KIAA0586: variants seen among roughly 807,000 people sequenced by gnomAD.
KIAA0586 encodes the protein KIAA0586.
A neutral mutation model predicts 169.8 loss-of-function variants in KIAA0586; 144 were observed. The observed-to-expected ratio is 0.85, with a 90% CI of 0.74 to 0.97. The LOEUF (loss-of-function observed/expected upper bound fraction) is 0.97, where lower values mean the gene tolerates loss of function less well. Ranked by LOEUF, KIAA0586 falls within the 50% of genes least tolerant of loss-of-function variation. The pLI is 0.00. For missense variants in KIAA0586, 1,854 were observed against 1,823.0 expected (o/e 1.02, Z -0.31); for synonymous variants, 625 against 612.4 (o/e 1.02, Z -0.30).
At chr14:58,538,768 A>G (rs918159791) in intron 29 of KIAA0586, among the ~76,000 whole-genome samples, 2 of 150,004 alleles carry the variant, frequency 1.3e-5, no homozygotes, top group Non-Finnish European at 3.0e-5. Flanking sequence ...TCTACTGCCT[A>G]TCTCCATGAG....
At chr14:58,495,424 C>T (rs1368034660) in intron 26 of KIAA0586, among the ~76,000 whole-genome samples, 1 of 151,908 alleles carries the variant, frequency 6.6e-6, no homozygotes, top group Non-Finnish European at 1.5e-5. Context: ...ATCTCAGCCC[C>T]CAGAGTAGCT....
At chr14:58,462,056 C>T (rs565707353) in intron 14 of KIAA0586, among the ~76,000 whole-genome samples, 2 of 152,278 alleles carry the variant, frequency 1.3e-5, no homozygotes, top group East Asian at 3.9e-4. Flanking sequence ...CTCTCTTATC[C>T]TTTCTAGAAG....
downstream of KIAA0586, among the ~76,000 whole-genome samples, chr14:58,554,764 T>A (rs2047233687): frequency 6.6e-6 from 1 of 152,234 alleles, no homozygotes; most frequent in South Asian, 2.1e-4. Context: ...TCCATCTTTG[T>A]TTTTTCTATA....
chr14:58,453,274 A>G, intron 8 of KIAA0586, 76 bp from the exon 9 acceptor site: 2 of 817,198 alleles, frequency 2.4e-6, no homozygotes, highest in Non-Finnish European at 3.5e-6. Flanking sequence ...AGGCCAGAAT[A>G]CAAATATGTG....
intron 29 of KIAA0586, chr14:58,522,017 A>G: frequency 8.0e-7 from 1 of 1,243,322 alleles, no homozygotes; most frequent in East Asian, 2.3e-5. Context: ...TAGAAATCTT[A>G]TCCCATCATT....
intron 9 of KIAA0586, among the ~76,000 whole-genome samples, chr14:58,456,309 T>G (rs535114751): frequency 2.4e-4 from 37 of 152,292 alleles, no homozygotes; most frequent in Admixed American, 1.0e-3. Flanking sequence ...TGCAAGTCTT[T>G]AATTTCCAGA....
rs1377488414 is a variant in KIAA0586, at chr14:58,450,731, G to A, written c.1114G>A (p.Val372Met). ...NLLEEKENME[V>M]SCHRGNVRLL... ...TTTGGAAGAAAAAGAAAATATGGAA[G>A]TGTCGTGTCACAGAGGTAATAGAGA... The change falls in exon 8 of 31, where the codon GTG becomes ATG. Residue 372 changes from valine (V) to methionine (M), a missense_variant. Coordinates refer to ENST00000652326, the MANE Select transcript of KIAA0586 (RefSeq NM_001329943.3). 6.2e-7 allele frequency: 1 copy of A among 1,603,934 alleles called. No individual in the cohort carries two copies.
At chr14:58,465,803 T>G (rs767971730) in intron 14 of KIAA0586, 32 bp from the exon 15 acceptor site, 1 of 1,339,702 alleles carries the variant, frequency 7.5e-7, no homozygotes. Context: ...CTAACAATAT[T>G]TTAAAATATC....
chr14:58,519,118 T>C (rs998414416), intron 29 of KIAA0586, among the ~76,000 whole-genome samples: 1 of 152,166 alleles, frequency 6.6e-6, no homozygotes. Context: ...GGCCACAAAG[T>C]GAGACTCTGT....
intron 18 of KIAA0586, among the ~76,000 whole-genome samples, chr14:58,473,693 G>A (rs2041394984): frequency 6.6e-6 from 1 of 152,096 alleles, no homozygotes; most frequent in Non-Finnish European, 1.5e-5. Flanking sequence ...ATTACCTGAG[G>A]TCAGGAGTTC....
chr14:58,466,748 A>G (rs938123160), intron 15 of KIAA0586, among the ~76,000 whole-genome samples: 7 of 152,202 alleles, frequency 4.6e-5, no homozygotes, highest in Non-Finnish European at 7.3e-5. Flanking sequence ...GAAAGTTTAA[A>G]TATGTCATGG....
intron 8 of KIAA0586, among the ~76,000 whole-genome samples, chr14:58,452,194 G>C (rs973235706): frequency 6.6e-5 from 10 of 152,152 alleles, no homozygotes; most frequent in South Asian, 2.1e-4. Flanking sequence ...CTGCTTGGAT[G>C]ATGGGTGCAC....
intron 29 of KIAA0586, among the ~76,000 whole-genome samples, chr14:58,537,872 C>T (rs909511087): frequency 2.6e-5 from 4 of 152,204 alleles, no homozygotes; most frequent in Non-Finnish European, 4.4e-5. Flanking sequence ...TGGTCTCGAT[C>T]TCCTGACCTC....
At chr14:58,452,877 G>A (rs1045190940) in intron 8 of KIAA0586, among the ~76,000 whole-genome samples, 1 of 151,206 alleles carries the variant, frequency 6.6e-6, no homozygotes, top group Non-Finnish European at 1.5e-5. Flanking sequence ...TATTTGATGA[G>A]TGTATTTATG....
chr14:58,552,373 G>T (rs180822253), downstream of KIAA0586, among the ~76,000 whole-genome samples: 1 of 152,058 alleles, frequency 6.6e-6, no homozygotes, highest in African/African-American at 2.4e-5. Context: ...TTCTTGTCCT[G>T]AAGTGTTTAC....
chr14:58,484,296 A>G (rs964429530), intron 21 of KIAA0586, among the ~76,000 whole-genome samples: 4 of 152,170 alleles, frequency 2.6e-5, no homozygotes, highest in South Asian at 2.1e-4. Context: ...CAGAAGTGTC[A>G]TGGCTTTTCT....
intron 9 of KIAA0586, 121 bp downstream of exon 9, chr14:58,453,594 T>C: frequency 1.5e-6 from 1 of 647,330 alleles, no homozygotes; most frequent in Non-Finnish European, 2.5e-6. Flanking sequence ...TAGATTTAGT[T>C]ACTATTTTTT....
Position 58,428,440 on chromosome 14 carries a change from C to T in KIAA0586, c.176C>T (p.Thr59Ile), listed in dbSNP as rs2037045152. The T allele has an allele frequency of 6.2e-7, 1 of 1,613,436 alleles. No individual in the cohort carries two copies. The highest frequency in any genetic ancestry group is 8.5e-7 in the Non-Finnish European group (1 of 1,179,546). ...AAACGTCTTCCTGTTGGAACGGGGA[C>T]TAGTTTGAATGGAACATCACGTGGT... ...ANKRLPVGTGTSLNGTSRGSS... is the reference protein window; with the variant it reads ...ANKRLPVGTGISLNGTSRGSS... The change falls in exon 1 of 31, where the codon ACT (threonine) becomes ATT (isoleucine). Residue 59 changes from threonine (T) to isoleucine (I), a missense_variant. Physicochemically the swap from Thr to Ile is moderately conservative, Grantham distance 89. Coordinates refer to ENST00000652326, the MANE Select transcript of KIAA0586 (RefSeq NM_001329943.3).
rs776582851 is a variant in KIAA0586, at chr14:58,498,885, C to T, written c.4093C>T (p.Pro1365Ser). 49 of 1,612,796 alleles carry T rather than the reference C, an allele frequency of 3.0e-5. No individual in the cohort carries two copies. Among genetic ancestry groups the T allele is most frequent in the Admixed American group, 1.0e-4 (6 of 59,892 alleles). ...GGGACATTCTCTCTATATGCAGCCA[C>T]CTGTCACTAATACACAGTCTTTGGA... is the stretch of plus-strand genomic sequence containing the variant. ...LMGHSLYMQP[P>S]VTNTQSLDQQ... Residue 1365 changes from proline (P) to serine (S), a missense_variant, in exon 27 of 31, where the codon CCT becomes TCT. Transcript: ENST00000652326.
Sources: allele counts gnomAD v4.1 joint callset (sites outside exome capture counted in the v4.1 genomes callset), GRCh38; gene constraint gnomAD v4.1.1; transcripts MANE v1.5; gene names NCBI Gene and HGNC (gene_info 2026-07-23, HGNC 2026-07-21).